Variants in FABP12 observed in about 807,000 individuals in gnomAD.
FABP12 encodes the protein fatty acid binding protein 12, also known as fatty acid-binding protein 12.
Under a neutral mutation model 13.7 loss-of-function variants are expected in FABP12, and 19 were observed. That is an observed-to-expected ratio of 1.39 (90% CI 0.97 to 2.04). The LOEUF (loss-of-function observed/expected upper bound fraction) is 2.04. Ranked by LOEUF, FABP12 falls within the 30% of genes most tolerant of loss-of-function variation. The pLI is 0.00. For synonymous variants in FABP12, 61 were observed against 57.0 expected (o/e 1.07, Z -0.32); for missense variants, 182 against 164.2 (o/e 1.11, Z -0.59).
chr8:81,552,685 C>CT lies in FABP12; in HGVS notation c.-184-12943dup, dbSNP rs1384409355. On this transcript the variant is annotated intron_variant, in intron 1 of 5. Coordinates refer to the FABP12 transcript ENST00000692030. ...ATTTAAATTCCACAGAGGAAAGTAG[C>CT]TTTTTTGGGTCTATTTTTTTCACTG... Among the ~76,000 whole-genome samples, 2 of 152,082 alleles carry CT rather than the reference C, an allele frequency of 1.3e-5. 1 individual carries two copies. Among genetic ancestry groups the CT allele is most frequent in the Middle Eastern group, 6.3e-3 (2 of 316 alleles).
intron 1 of FABP12, among the ~76,000 whole-genome samples, chr8:81,567,996 T>A (rs927326867): frequency 9.2e-5 from 14 of 151,848 alleles, no homozygotes; most frequent in Admixed American, 8.5e-4. Flanking sequence ...GGTGGCGGGC[T>A]CCTGTAGTCC....
intron 3 of FABP12, 36 bp from the exon 4 acceptor site, chr8:81,527,157 G>A (rs1287854013): frequency 2.4e-6 from 3 of 1,234,946 alleles, no homozygotes; most frequent in African/African-American, 1.5e-5. Flanking sequence ...AGATCAGCTT[G>A]TCATATTTCA....
At chr8:81,559,632 T>C (rs1809684398) in intron 1 of FABP12, among the ~76,000 whole-genome samples, 1 of 152,222 alleles carries the variant, frequency 6.6e-6, no homozygotes, top group African/African-American at 2.4e-5. Context: ...ATCTACACTT[T>C]TCTGAGACCT....
At chr8:81,583,252 T>A (rs972595805) in intron 1 of FABP12, among the ~76,000 whole-genome samples, 10 of 151,810 alleles carry the variant, frequency 6.6e-5, no homozygotes, top group Non-Finnish European at 1.3e-4. Context: ...ATCAAAAAAG[T>A]AGAAATATTT....
intron 1 of FABP12, among the ~76,000 whole-genome samples, chr8:81,559,951 G>T (rs976408270): frequency 3.3e-5 from 5 of 152,178 alleles, no homozygotes; most frequent in Non-Finnish European, 5.9e-5. Flanking sequence ...GCAATGTTCA[G>T]ATATCATTAT....
intron 1 of FABP12, among the ~76,000 whole-genome samples, chr8:81,569,560 T>C (rs996185158): frequency 2.5e-4 from 38 of 152,164 alleles, no homozygotes; most frequent in Admixed American, 1.5e-3. Context: ...CCTGAGATTA[T>C]GCTTCATTTA....
intron 1 of FABP12, among the ~76,000 whole-genome samples, chr8:81,541,468 G>GT (rs1809340717): frequency 6.7e-6 from 1 of 149,606 alleles, no homozygotes; most frequent in Non-Finnish European, 1.5e-5. Flanking sequence ...GTACTTTTGA[G>GT]ACCCCCACGC....
intron 1 of FABP12, among the ~76,000 whole-genome samples, chr8:81,586,803 G>T (rs1322445605): frequency 1.3e-5 from 2 of 152,070 alleles, no homozygotes; most frequent in African/African-American, 4.8e-5. Flanking sequence ...GTTTAATTAA[G>T]TCCCACATCA....
intron 1 of FABP12, among the ~76,000 whole-genome samples, chr8:81,550,976 C>T (rs1809514563): frequency 6.6e-6 from 1 of 152,048 alleles, no homozygotes; most frequent in Non-Finnish European, 1.5e-5. Context: ...GGTTAATTTC[C>T]CTTCAGAGTG....
At chr8:81,556,117 G>C (rs1395093086) in intron 1 of FABP12, among the ~76,000 whole-genome samples, 1 of 152,124 alleles carries the variant, frequency 6.6e-6, no homozygotes, top group East Asian at 1.9e-4. Context: ...ATATAAATAA[G>C]ATTTTTAAAA....
intron 1 of FABP12, among the ~76,000 whole-genome samples, chr8:81,563,918 TC>T (rs879429588): frequency 7.2e-5 from 11 of 152,138 alleles, no homozygotes; most frequent in Non-Finnish European, 1.6e-4. Flanking sequence ...GAGAAAGATA[TC>T]AATATTTAAG....
At chr8:81,583,973 C>T (rs1214892631) in intron 1 of FABP12, among the ~76,000 whole-genome samples, 2 of 152,116 alleles carry the variant, frequency 1.3e-5, no homozygotes, top group African/African-American at 4.8e-5. Context: ...TCCAAAACCC[C>T]ATCAAAAAAG....
rs546035436 is a variant in FABP12, at chr8:81,569,690, T to A, written c.-185+20363A>T. 1.3e-4 allele frequency among the ~76,000 whole-genome samples: 20 copies of A among 152,358 alleles called. No homozygotes were observed. The South Asian group carries it at 4.1e-3, about 32-fold the overall frequency. On this transcript the variant is annotated intron_variant, in intron 1 of 5. Transcript: ENST00000692030. ...TGACAGCCCCCTCAGAGGGCCCAATTTATTCCAAAAAGCTTTGGGAATGAA... is the reference window on the plus strand; with the variant it reads ...TGACAGCCCCCTCAGAGGGCCCAATATATTCCAAAAAGCTTTGGGAATGAA...
chr8:81,553,787 C>T (rs1265469775), intron 1 of FABP12, among the ~76,000 whole-genome samples: 1 of 152,258 alleles, frequency 6.6e-6, no homozygotes, highest in East Asian at 1.9e-4. Flanking sequence ...TTTCTTCATC[C>T]TCGATGTACG....
rs143467860 is a variant in FABP12, at chr8:81,588,644, T to C, written c.-185+1409A>G. ...ATAGTTTGGATGCCCCTTTATTACTTTCTCTTGCCTAATTTCTCTGGCCAG... is the reference window on the plus strand; with the variant it reads ...ATAGTTTGGATGCCCCTTTATTACTCTCTCTTGCCTAATTTCTCTGGCCAG... On this transcript the variant is annotated intron_variant, in intron 1 of 5. Transcript: ENST00000692030. Among the ~76,000 whole-genome samples the C allele has an allele frequency of 1.5e-3, 229 of 152,320 alleles. 2 individuals carry two copies. Among genetic ancestry groups the C allele is most frequent in the African/African-American group, 5.3e-3 (221 of 41,568 alleles).
intron 1 of FABP12, among the ~76,000 whole-genome samples, chr8:81,567,523 A>G (rs1175976263): frequency 6.6e-6 from 1 of 152,184 alleles, no homozygotes; most frequent in Admixed American, 6.5e-5. Flanking sequence ...GTAAACTCCT[A>G]TTTGACAAAG....
At chr8:81,560,108 C>A (rs1462613277) in intron 1 of FABP12, among the ~76,000 whole-genome samples, 3 of 152,178 alleles carry the variant, frequency 2.0e-5, no homozygotes, top group Non-Finnish European at 4.4e-5. Context: ...TCTCACCATT[C>A]CCTCAGCTAT....
At chr8:81,581,386 G>T (rs1810159203) in intron 1 of FABP12, among the ~76,000 whole-genome samples, 1 of 152,184 alleles carries the variant, frequency 6.6e-6, no homozygotes, top group South Asian at 2.1e-4. Flanking sequence ...CCCTACCCAT[G>T]ACTAAGATTG....
chr8:81,562,814 C>T (rs1809747007), intron 1 of FABP12, among the ~76,000 whole-genome samples: 1 of 152,188 alleles, frequency 6.6e-6, no homozygotes. Flanking sequence ...TTCTAGATGG[C>T]ATCTCTGGAC....
Sources: allele counts gnomAD v4.1 joint callset (sites outside exome capture counted in the v4.1 genomes callset), GRCh38; gene constraint gnomAD v4.1.1; transcripts MANE v1.5; gene names NCBI Gene and HGNC (gene_info 2026-07-23, HGNC 2026-07-21).